Variants in TSEN15 observed in about 807,000 individuals in gnomAD.
TSEN15 encodes tRNA-splicing endonuclease subunit Sen15.
Under a neutral mutation model 20.5 loss-of-function variants are expected in TSEN15, and 10 were observed. The ratio of observed to expected loss-of-function variants is 0.49; its 90% CI spans 0.30 to 0.83. TSEN15 has a LOEUF of 0.83. Ranked by LOEUF, TSEN15 falls within the 40% of genes least tolerant of loss-of-function variation. The pLI is 0.06. For synonymous variants in TSEN15, 72 were observed against 80.1 expected, an observed-to-expected ratio of 0.90 and a Z score of 0.54; for missense variants, 180 against 218.6, an observed-to-expected ratio of 0.82 and a Z score of 1.11.
At chr1:184,091,247 C>T (rs1319977772) in intron 3 of TSEN15, among the ~76,000 whole-genome samples, 1 of 152,092 alleles carries the variant, frequency 6.6e-6, no homozygotes, top group Non-Finnish European at 1.5e-5. Flanking sequence ...TCTGGGTTCA[C>T]ATCTTGACCT....
intron 1 of TSEN15, 84 bp from the exon 2 acceptor site, chr1:184,054,270 T>C (rs1557876885): frequency 6.0e-6 from 5 of 830,430 alleles, no homozygotes; most frequent in Non-Finnish European, 9.6e-6. Context: ...ATAGATTATA[T>C]ATGCTTGATG....
intron 3 of TSEN15, among the ~76,000 whole-genome samples, chr1:184,066,296 G>A (rs1650655701): frequency 6.7e-6 from 1 of 149,960 alleles, no homozygotes; most frequent in South Asian, 2.1e-4. Context: ...CTATTTATGT[G>A]AGTCAATTCT....
At chr1:184,080,962 A>C (rs1191144665) in intron 3 of TSEN15, among the ~76,000 whole-genome samples, 1 of 152,208 alleles carries the variant, frequency 6.6e-6, no homozygotes, top group African/African-American at 2.4e-5. Context: ...TAGCACCTTC[A>C]TGGGTAAGAC....
intron 3 of TSEN15, among the ~76,000 whole-genome samples, chr1:184,085,488 G>A (rs1177816296): frequency 6.6e-6 from 1 of 152,196 alleles, no homozygotes; most frequent in African/African-American, 2.4e-5. Flanking sequence ...ATAATGTCAA[G>A]TGATGACAAA....
chr1:184,072,113 T>C (rs777376743), intron 3 of TSEN15, 44 bp from the exon 4 acceptor site: 13 of 1,596,282 alleles, frequency 8.1e-6, no homozygotes, highest in Non-Finnish European at 1.0e-5. Flanking sequence ...TCTCATCTAA[T>C]TGAGTGACCG....
intron 1 of TSEN15, among the ~76,000 whole-genome samples, chr1:184,052,186 A>G (rs571334920): frequency 6.6e-6 from 1 of 152,338 alleles, no homozygotes; most frequent in South Asian, 2.1e-4. Flanking sequence ...TTTGCTGTCT[A>G]GGTAAATCCC....
At chr1:184,061,915 C>G (rs1650470451) in intron 3 of TSEN15, among the ~76,000 whole-genome samples, 1 of 152,108 alleles carries the variant, frequency 6.6e-6, no homozygotes, top group Non-Finnish European at 1.5e-5. Context: ...ACTTTGAGCA[C>G]AAGTACGTTT....
chr1:184,082,077 G>C (rs976605783), intron 3 of TSEN15, among the ~76,000 whole-genome samples: 10 of 152,180 alleles, frequency 6.6e-5, no homozygotes, highest in Admixed American at 5.9e-4. Context: ...GAAGAGCCTG[G>C]TGGCAACTCT....
chr1:184,089,351 C>T (rs145082457), intron 3 of TSEN15, among the ~76,000 whole-genome samples: 1 of 152,094 alleles, frequency 6.6e-6, no homozygotes, highest in East Asian at 1.9e-4. Context: ...TGTTTTTATT[C>T]TCTAAGAAAA....
Position 184,072,887 on chromosome 1 carries a change from T to A in TSEN15, c.*40T>A. ...GATGCTTGTTTTATTCATACAAGAT[T>A]GGATTTGAGACCCATCAGACTGCTT... On this transcript the variant is annotated 3_prime_UTR_variant, in exon 5 of 5. Coordinates refer to ENST00000645668, the MANE Select transcript of TSEN15 (RefSeq NM_052965.4). 1 of 1,590,028 alleles carries A rather than the reference T, an allele frequency of 6.3e-7. No homozygotes were observed. The highest frequency in any genetic ancestry group is 8.6e-7 in the Non-Finnish European group (1 of 1,167,324).
chr1:184,084,525 A>T (rs1340893367), intron 3 of TSEN15, among the ~76,000 whole-genome samples: 1 of 151,406 alleles, frequency 6.6e-6, no homozygotes, highest in Non-Finnish European at 1.5e-5. Context: ...CACAGGTGGG[A>T]TGGGGTGTGA....
intron 3 of TSEN15, among the ~76,000 whole-genome samples, chr1:184,093,064 A>G (rs1651388045): frequency 6.6e-6 from 1 of 152,222 alleles, no homozygotes. Context: ...GTACAACACT[A>G]TGAACAGGAC....
chr1:184,095,922 G>A, exon 4 of TSEN15: 1 of 393,938 alleles, frequency 2.5e-6, no homozygotes. Context: ...CAGGCACAAG[G>A]TAGAGATTCA....
intron 3 of TSEN15, among the ~76,000 whole-genome samples, chr1:184,090,914 T>C (rs1651345181): frequency 6.6e-6 from 1 of 152,176 alleles, no homozygotes; most frequent in South Asian, 2.1e-4. Context: ...TTCTGTAGTA[T>C]ACAGCTCCCT....
rs1650906785 is a variant in TSEN15, at chr1:184,072,161, A to G, written c.358A>G (p.Arg120Gly). The G allele has an allele frequency of 6.2e-7, 1 of 1,613,328 alleles. No individual in the cohort carries two copies. The highest frequency in any genetic ancestry group is 8.5e-7 in the Non-Finnish European group (1 of 1,179,560). ...ITASLSHNRI[R>G]EILKASRKLQ... ...ATATTGTGACTTTATTTTCAGGATA[A>G]GGGAGATCTTGAAGGCATCTCGAAA... is the stretch of plus-strand genomic sequence containing the variant. The change falls in exon 4 of 5, where the codon AGG becomes GGG. Residue 120 changes from arginine (R) to glycine (G), a missense_variant. Arg to Gly is a moderately radical substitution (Grantham distance 125). This residue lies in a region of TSEN15 where 76 missense variants were observed against 123.4 expected (regional missense o/e 0.62). Transcript: ENST00000645668.
chr1:184,086,537 G>T (rs988510648), intron 3 of TSEN15, among the ~76,000 whole-genome samples: 1 of 152,206 alleles, frequency 6.6e-6, no homozygotes, highest in Non-Finnish European at 1.5e-5. Flanking sequence ...AGGTTTCCAT[G>T]AAGATATTAG....
chr1:184,084,871 T>C (rs79630716), intron 3 of TSEN15, among the ~76,000 whole-genome samples: 2 of 151,994 alleles, frequency 1.3e-5, no homozygotes, highest in East Asian at 1.9e-4. Context: ...GGGACAAACA[T>C]TCAAACCACG....
At chr1:184,097,159 A>G (rs1651469121) in exon 4 of TSEN15, 1 of 152,238 alleles carries the variant, frequency 6.6e-6, no homozygotes, top group Non-Finnish European at 1.5e-5. Context: ...ATCATTGGTC[A>G]GAGCTCCAAA....
chr1:184,053,206 C>G (rs1173824835), intron 1 of TSEN15, among the ~76,000 whole-genome samples: 1 of 151,934 alleles, frequency 6.6e-6, no homozygotes, highest in Non-Finnish European at 1.5e-5. Context: ...CTTGAAGGAT[C>G]AAATTAATTT....
Sources: allele counts gnomAD v4.1 joint callset (sites outside exome capture counted in the v4.1 genomes callset), GRCh38; gene constraint gnomAD v4.1.1; regional missense constraint gnomAD v4.1.1; transcripts MANE v1.5; gene names NCBI Gene and HGNC (gene_info 2026-07-23, HGNC 2026-07-21).